The following ETS1 variants were observed in gnomAD, a reference collection of about 807,000 sequenced individuals.
ETS1 encodes protein C-ets-1.
Under a neutral mutation model 58.6 loss-of-function variants are expected in ETS1, and 15 were observed. That is an observed-to-expected ratio of 0.26 (90% CI 0.17 to 0.39). The LOEUF (loss-of-function observed/expected upper bound fraction) is 0.39. Ranked by LOEUF, ETS1 falls within the 10% of genes least tolerant of loss-of-function variation. ETS1 has a pLI of 1.00. For missense variants in ETS1, 417 were observed against 610.5 expected, an observed-to-expected ratio of 0.68 and a Z score of 3.34; for synonymous variants, 214 against 218.2, an observed-to-expected ratio of 0.98 and a Z score of 0.17.
At chr11:128,471,781 G>A (rs1862194387) in intron 8 of ETS1, among the ~76,000 whole-genome samples, 1 of 152,188 alleles carries the variant, frequency 6.6e-6, no homozygotes, top group Admixed American at 6.5e-5. Flanking sequence ...AAGAAAGAAA[G>A]ATATGTTCAC....
Position 128,461,460 on chromosome 11 carries a change from T to C in ETS1, c.*901A>G, listed in dbSNP as rs999086643. On this transcript the variant is annotated 3_prime_UTR_variant, in exon 10 of 10. Coordinates refer to ENST00000392668, the MANE Select transcript of ETS1 (RefSeq NM_001143820.2). Reference sequence around the variant, plus strand: ...TAATGCTTCTTAGCTCAACATTAAGTCCAAACCCCGAGAATCCACTGATAA... The same window carrying C: ...TAATGCTTCTTAGCTCAACATTAAGCCCAAACCCCGAGAATCCACTGATAA... The C allele has an allele frequency of 2.6e-5, 4 of 152,718 alleles. No homozygotes were observed. Among genetic ancestry groups the C allele is most frequent in the African/African-American group, 9.7e-5 (4 of 41,410 alleles). 9.5% of individuals were successfully genotyped at this position (152,718 alleles called of 1,614,324 possible).
chr11:128,483,577 T>C (rs1343307111), intron 7 of ETS1, among the ~76,000 whole-genome samples: 1 of 152,210 alleles, frequency 6.6e-6, no homozygotes, highest in Non-Finnish European at 1.5e-5. Context: ...CCCATCCCCT[T>C]CGGTCTGAAA....
At chr11:128,529,901 A>G (rs1863868254) in intron 3 of ETS1, among the ~76,000 whole-genome samples, 1 of 152,214 alleles carries the variant, frequency 6.6e-6, no homozygotes, top group Non-Finnish European at 1.5e-5. Flanking sequence ...TAAAATGCAT[A>G]GCACTTTTTA....
intron 3 of ETS1, among the ~76,000 whole-genome samples, chr11:128,506,784 C>T (rs892755179): frequency 2.0e-5 from 3 of 152,140 alleles, no homozygotes; most frequent in African/African-American, 7.2e-5. Context: ...CAGAGGCAGA[C>T]ACCTGGTAAC....
chr11:128,520,741 CATGTCTTTATTAATATTTCTGA>C, intron 3 of ETS1, among the ~76,000 whole-genome samples: 1 of 152,304 alleles, frequency 6.6e-6, no homozygotes, highest in South Asian at 2.1e-4. Context: ...ACGTGACCTA[CATGTCTTTATTAATATTTCTGA>C]AGGACCTCAG....
At chr11:128,483,390 A>C (rs769383424) in intron 7 of ETS1, among the ~76,000 whole-genome samples, 3 of 152,228 alleles carry the variant, frequency 2.0e-5, no homozygotes, top group Non-Finnish European at 4.4e-5. Context: ...CCAAACCCAC[A>C]GGCTTGGCCT....
At chr11:128,497,035 C>T (rs1331963303) in intron 3 of ETS1, among the ~76,000 whole-genome samples, 2 of 152,182 alleles carry the variant, frequency 1.3e-5, no homozygotes, top group Non-Finnish European at 2.9e-5. Context: ...CAACAGGACA[C>T]TATGAGACCT....
At chr11:128,481,092 C>T (rs1188721728) in intron 7 of ETS1, among the ~76,000 whole-genome samples, 1 of 152,150 alleles carries the variant, frequency 6.6e-6, no homozygotes, top group East Asian at 1.9e-4. Context: ...GTGTAAGATG[C>T]TTTTCCCAAG....
intron 4 of ETS1, 52 bp from the exon 5 acceptor site, chr11:128,489,542 T>C: frequency 6.8e-7 from 1 of 1,462,154 alleles, no homozygotes; most frequent in Non-Finnish European, 9.6e-7. Flanking sequence ...TTAACTCCTA[T>C]CCAAGCCTCA....
chr11:128,566,521 C>T (rs1341226393), intron 2 of ETS1, among the ~76,000 whole-genome samples: 6 of 152,102 alleles, frequency 3.9e-5, no homozygotes, highest in African/African-American at 7.2e-5. Context: ...CAGTGGCTCA[C>T]ACCTGTAATC....
At chr11:128,552,152 G>A (rs899704739) in intron 3 of ETS1, among the ~76,000 whole-genome samples, 2 of 152,016 alleles carry the variant, frequency 1.3e-5, no homozygotes, top group African/African-American at 4.8e-5. Flanking sequence ...GTATAGATCC[G>A]GAAACTGGGT....
At chr11:128,550,893 AAG>A (rs1864218791) in intron 3 of ETS1, among the ~76,000 whole-genome samples, 1 of 152,172 alleles carries the variant, frequency 6.6e-6, no homozygotes, top group East Asian at 1.9e-4. Context: ...AAATAAAATA[AAG>A]AGACTGGAGT....
intron 3 of ETS1, among the ~76,000 whole-genome samples, chr11:128,521,069 T>C (rs1863653970): frequency 6.6e-6 from 1 of 152,056 alleles, no homozygotes; most frequent in Admixed American, 6.5e-5. Flanking sequence ...AAACTACATT[T>C]GTTTCAGAAA....
chr11:128,466,729 A>G lies in ETS1; in HGVS notation c.1124-3102T>C, dbSNP rs556546382. On this transcript the variant is annotated intron_variant, in intron 8 of 9. Transcript: ENST00000392668. ...AATGAAAGAAAAAAAAATTAAATTC[A>G]GGCCCTAGAAGCCCAAGTCCTAGGT... 5.3e-5 allele frequency among the ~76,000 whole-genome samples: 8 copies of G among 151,620 alleles called. No homozygotes were observed. The South Asian group carries it at 1.7e-3, about 32-fold the overall frequency.
intron 8 of ETS1, among the ~76,000 whole-genome samples, chr11:128,477,999 G>C (rs1862370074): frequency 6.6e-6 from 1 of 152,118 alleles, no homozygotes; most frequent in Non-Finnish European, 1.5e-5. Flanking sequence ...AAACCACACA[G>C]TGTGTTAGAG....
In ETS1 at chr11:128,583,531, G is replaced by GT. The variant is rs201763385; in HGVS notation, c.-15+3956dup. On this transcript the variant is annotated intron_variant, in intron 1 of 9. Transcript: ENST00000392668. ...TTTAAAAGAGTTATTTGCATTATAT[G>GT]TTTTTTTTTACAATTGTAAAAGACT... is the stretch of plus-strand genomic sequence containing the variant. Among the ~76,000 whole-genome samples, 809 of 151,258 alleles carry GT rather than the reference G, an allele frequency of 5.3e-3. 4 individuals are homozygous for GT. The highest frequency in any genetic ancestry group is 0.018 in the African/African-American group (746 of 41,220).
intron 3 of ETS1, among the ~76,000 whole-genome samples, chr11:128,541,072 A>G (rs1005951857): frequency 1.3e-5 from 2 of 152,164 alleles, no homozygotes; most frequent in African/African-American, 4.8e-5. Context: ...GTTTCACGTG[A>G]CTGGGAGGCC....
chr11:128,475,671 C>G (rs1033841591), intron 8 of ETS1, among the ~76,000 whole-genome samples: 1 of 151,324 alleles, frequency 6.6e-6, no homozygotes, highest in Admixed American at 6.6e-5. Context: ...CCTGCCTCAG[C>G]CTACCAAGTG....
intron 5 of ETS1, among the ~76,000 whole-genome samples, chr11:128,487,372 C>G (rs10790958): frequency 0.65 from 98,693 of 152,130 alleles, 32,659 homozygotes; most frequent in Middle Eastern, 0.83. Flanking sequence ...CCAGTCTTAG[C>G]GGCCAGAAGG....
Sources: allele counts gnomAD v4.1 joint callset (sites outside exome capture counted in the v4.1 genomes callset), GRCh38; gene constraint gnomAD v4.1.1; transcripts MANE v1.5; gene names NCBI Gene and HGNC (gene_info 2026-07-23, HGNC 2026-07-21).